The following ESRP1 variants were observed in gnomAD, a reference collection of about 807,000 sequenced individuals.
ESRP1 encodes the protein RNA-binding motif protein 35A.
ESRP1 carries 33 observed loss-of-function variants against 81.7 expected under a neutral mutation model. The observed-to-expected ratio is 0.40, with a 90% CI of 0.31 to 0.54. The LOEUF (loss-of-function observed/expected upper bound fraction) is 0.54, where lower values mean the gene tolerates loss of function less well. ESRP1 is among the 20% of genes least tolerant of loss of function. The pLI is 0.41. For missense variants in ESRP1, 672 were observed against 833.1 expected (o/e 0.81, Z 2.38); for synonymous variants, 320 against 303.3 (o/e 1.06, Z -0.57).
intron 14 of ESRP1, among the ~76,000 whole-genome samples, chr8:94,696,301 A>G (rs752366095): frequency 8.5e-5 from 13 of 152,184 alleles, no homozygotes; most frequent in Non-Finnish European, 1.2e-4. Flanking sequence ...ACCCTTTACC[A>G]TCAATGCCTT....
intron 4 of ESRP1, among the ~76,000 whole-genome samples, chr8:94,658,103 G>T (rs1818528366): frequency 1.3e-5 from 2 of 152,172 alleles, no homozygotes; most frequent in Non-Finnish European, 2.9e-5. Flanking sequence ...GTCGAGACAG[G>T]AGTTCACCAT....
intron 13 of ESRP1, among the ~76,000 whole-genome samples, chr8:94,682,901 AT>A (rs1415180200): frequency 5.2e-5 from 2 of 38,700 alleles, no homozygotes; most frequent in African/African-American, 2.3e-4. Flanking sequence ...TATATTCATT[AT>A]TTTATATATA....
intron 13 of ESRP1, among the ~76,000 whole-genome samples, chr8:94,684,019 G>A (rs1809034912): frequency 6.6e-6 from 1 of 152,132 alleles, no homozygotes. Flanking sequence ...AGCTAATTTT[G>A]TATTTTTGGT....
intron 14 of ESRP1, among the ~76,000 whole-genome samples, chr8:94,693,478 G>A (rs1563547821): frequency 2.0e-5 from 3 of 152,350 alleles, no homozygotes; most frequent in Admixed American, 6.5e-5. Context: ...TTCTTTAACA[G>A]TGAACATTGC....
intron 15 of ESRP1, among the ~76,000 whole-genome samples, chr8:94,699,240 G>C (rs1365203): frequency 0.59 from 89,630 of 151,924 alleles, 26,591 homozygotes; most frequent in Non-Finnish European, 0.62. Flanking sequence ...TATATATTTG[G>C]AGTCATGACA....
At position 94,646,034 on chromosome 8, in the gene ESRP1, A is replaced by T. The variant is rs1348534522; in HGVS notation, c.376-134A>T. On this transcript the variant is annotated intron_variant, in intron 3 of 15. Coordinates refer to ENST00000433389, the MANE Select transcript of ESRP1 (RefSeq NM_017697.4). ...GAAACAGGACCAACTTTTAAAAATA[A>T]ATCTACTTTTACATTAAATTTTAAA... 3 of 538,490 alleles carry T rather than the reference A, an allele frequency of 5.6e-6. No homozygotes were observed. In the African/African-American group the frequency reaches 5.9e-5, roughly 11 times the overall value. The allele number at this position is 538,490 out of a possible 1,614,324, so 33.4% of individuals were successfully genotyped here.
intron 13 of ESRP1, among the ~76,000 whole-genome samples, chr8:94,681,325 C>CAAAAAAAAAAAAAA (rs1171703394): frequency 9.6e-5 from 3 of 31,284 alleles, no homozygotes; most frequent in African/African-American, 1.3e-4. Flanking sequence ...GACTCCATCT[C>CAAAAAAAAAAAAAA]AAAAAAAAAA....
intron 4 of ESRP1, among the ~76,000 whole-genome samples, chr8:94,652,381 C>T (rs1057147966): frequency 4.6e-5 from 7 of 151,902 alleles, no homozygotes; most frequent in Non-Finnish European, 1.0e-4. Flanking sequence ...CTGAGAAGAC[C>T]TCATCTAGCA....
At chr8:94,675,656 A>G (rs1434305879) in intron 12 of ESRP1, among the ~76,000 whole-genome samples, 1 of 152,226 alleles carries the variant, frequency 6.6e-6, no homozygotes, top group Non-Finnish European at 1.5e-5. Flanking sequence ...AGTAGCTTTT[A>G]CGATATCCTT....
At chr8:94,661,399 G>A (rs982161268) in intron 4 of ESRP1, among the ~76,000 whole-genome samples, 4 of 152,088 alleles carry the variant, frequency 2.6e-5, no homozygotes, top group African/African-American at 9.7e-5. Context: ...TAATGCTATT[G>A]AATACTTAGA....
chr8:94,665,151 C>G lies in ESRP1; in HGVS notation c.889-3C>G, dbSNP rs751458994. 1.2e-6 allele frequency: 2 copies of G among 1,613,640 alleles called. No individual in the cohort carries two copies. Among genetic ancestry groups the G allele is most frequent in the South Asian group, 2.2e-5 (2 of 90,944 alleles). On this transcript the variant is annotated splice_region_variant and splice_polypyrimidine_tract_variant and intron_variant, in intron 8 of 15. Transcript: ENST00000433389. ...AAACACTAACTTCTCTGTCTTTTCT[C>G]AGGTTTACAAAGCAACAGGTGAAGA...
intron 2 of ESRP1, among the ~76,000 whole-genome samples, 177 bp from the exon 3 acceptor site, chr8:94,643,126 A>T (rs1175907176): frequency 6.6e-6 from 1 of 152,104 alleles, no homozygotes; most frequent in Non-Finnish European, 1.5e-5. Context: ...AAGCTTCCCT[A>T]CCTCGAGGAA....
intron 13 of ESRP1, among the ~76,000 whole-genome samples, chr8:94,682,926 A>AT (rs1563540906): frequency 1.6e-4 from 5 of 31,568 alleles, no homozygotes; most frequent in African/African-American, 4.2e-4. Flanking sequence ...ATATATATAT[A>AT]TATATATTTT....
chr8:94,658,425 A>G (rs1298999637), intron 4 of ESRP1, among the ~76,000 whole-genome samples: 2 of 152,238 alleles, frequency 1.3e-5, no homozygotes, highest in Non-Finnish European at 2.9e-5. Flanking sequence ...AAATGTTACA[A>G]CAGTCGAGAA....
At position 94,705,156 on chromosome 8, in the gene ESRP1, C is replaced by CTTT. The variant is rs57801249; in HGVS notation, c.*36-742_*36-740dup. On this transcript the variant is annotated intron_variant, in intron 15 of 15. Coordinates refer to ENST00000433389, the MANE Select transcript of ESRP1 (RefSeq NM_017697.4). The stretch of plus-strand genomic sequence containing the variant: ...TTTGCTGTTATGTCATGCCTTATTG[C>CTTT]TTTTTTTTTTTTTTTTTTTTTTTTT... Among the ~76,000 whole-genome samples the CTTT allele has an allele frequency of 3.4e-3, 308 of 90,518 alleles. 31 individuals are homozygous for CTTT. The highest frequency in any genetic ancestry group is 7.8e-3 in the Middle Eastern group (1 of 128). 59.4% of individuals were successfully genotyped at this position (90,518 alleles called of 152,430 possible).
rs981017041 is a variant in ESRP1, at chr8:94,706,906, A to G, written c.*1017A>G. ...TCAAATAATTATAACCTTTTAAAGC[A>G]TAGGACTATAGTCAGCATGCTAGAC... On this transcript the variant is annotated 3_prime_UTR_variant, in exon 16 of 16. Transcript: ENST00000433389. 6.6e-6 allele frequency: 1 copy of G among 152,246 alleles called. No homozygotes were observed. Among genetic ancestry groups the G allele is most frequent in the Non-Finnish European group, 1.5e-5 (1 of 68,044 alleles). The allele number at this position is 152,246 out of a possible 1,614,324, so 9.4% of individuals were successfully genotyped here.
chr8:94,681,445 C>G (rs1379206582), intron 13 of ESRP1, among the ~76,000 whole-genome samples: 1 of 151,196 alleles, frequency 6.6e-6, no homozygotes, highest in Non-Finnish European at 1.5e-5. Context: ...TGAGACCAGC[C>G]TGGCCAACAT....
At position 94,657,472 on chromosome 8, in the gene ESRP1, C is replaced by CGTGTGTGTGTGT. The variant is rs9297944; in HGVS notation, c.491-4779_491-4768dup. On this transcript the variant is annotated intron_variant, in intron 4 of 15. Transcript: ENST00000433389. ...GAAACTGGCCTATTGAGGCTGTGTG[C>CGTGTGTGTGTGT]GTGTGTGTGTGTGTGTGTGTGTGTG... Among the ~76,000 whole-genome samples, 1,087 of 146,248 alleles carry CGTGTGTGTGTGT rather than the reference C, an allele frequency of 7.4e-3. 12 individuals are homozygous for CGTGTGTGTGTGT. Among genetic ancestry groups the CGTGTGTGTGTGT allele is most frequent in the African/African-American group, 0.024 (936 of 39,100 alleles).
chr8:94,689,018 A>G (rs993567417), intron 13 of ESRP1, among the ~76,000 whole-genome samples: 11 of 152,118 alleles, frequency 7.2e-5, no homozygotes, highest in African/African-American at 2.4e-4. Flanking sequence ...TGAGAGGCCG[A>G]GGTGGGCAGA....
Sources: gnomAD v4.1 joint callset for allele counts (sites outside exome capture counted in the v4.1 genomes callset) on GRCh38, gnomAD v4.1.1 for gene constraint, MANE v1.5 for transcripts, NCBI Gene and HGNC (gene_info 2026-07-23, HGNC 2026-07-21) for gene names.